KIAA1210: variants seen among roughly 807,000 people sequenced by gnomAD.
KIAA1210 encodes acrosomal protein KIAA1210.
Under a neutral mutation model 78.9 loss-of-function variants are expected in KIAA1210, and 48 were observed. The observed-to-expected ratio is 0.61, with a 90% CI of 0.48 to 0.77. KIAA1210 has a LOEUF of 0.77. Among genes scored for constraint, KIAA1210 ranks in the 30% least tolerant of loss-of-function variants. The pLI is 0.00. For synonymous variants in KIAA1210, 406 were observed against 404.5 expected, an observed-to-expected ratio of 1.00 and a Z score of -0.04; for missense variants, 1,108 against 1,100.0, an observed-to-expected ratio of 1.01 and a Z score of -0.10.
chrX:119,120,425 A>G (rs753474777), intron 2 of KIAA1210, among the ~76,000 whole-genome samples: 50 of 112,403 alleles, frequency 4.4e-4, no homozygotes, highest in Non-Finnish European at 8.4e-4. Context: ...CAGGGAGAAG[A>G]GAGTCAGCAG....
At chrX:119,107,419 T>G (rs1241471421) in intron 5 of KIAA1210, among the ~76,000 whole-genome samples, 1 of 112,334 alleles carries the variant, frequency 8.9e-6, no homozygotes, top group Non-Finnish European at 1.9e-5. Flanking sequence ...TGTTGCCACT[T>G]GGTCATGGTC....
intron 3 of KIAA1210, among the ~76,000 whole-genome samples, chrX:119,110,119 A>G (rs1203813042): frequency 8.9e-6 from 1 of 112,017 alleles, no homozygotes. Flanking sequence ...AAAATCCTCA[A>G]TAACACACTC....
At chrX:119,130,112 T>C (rs1011254211), upstream of KIAA1210, among the ~76,000 whole-genome samples, 1 of 111,978 alleles carries the variant, frequency 8.9e-6, no homozygotes, top group Non-Finnish European at 1.9e-5. Flanking sequence ...AATATAACCA[T>C]GAGCCTCCCC....
At chrX:119,091,205 T>C (rs1927357403) in intron 8 of KIAA1210, among the ~76,000 whole-genome samples, 1 of 112,266 alleles carries the variant, frequency 8.9e-6, no homozygotes. Flanking sequence ...AGAATGGCCA[T>C]TATTACAAAG....
At chrX:119,123,535 G>C (rs756139351) in intron 2 of KIAA1210, 47 bp downstream of exon 2, 1 of 978,984 alleles carries the variant, frequency 1.0e-6, no homozygotes, top group Non-Finnish European at 1.4e-6. Context: ...AATAAACACA[G>C]TAAACAAATC....
intron 11 of KIAA1210, among the ~76,000 whole-genome samples, chrX:119,082,090 T>C (rs1367928757): frequency 8.9e-6 from 1 of 111,870 alleles, no homozygotes; most frequent in African/African-American, 3.2e-5. Flanking sequence ...AATCAACCAG[T>C]GGTTCTCAAT....
chrX:119,127,507 A>G (rs1179722113), intron 1 of KIAA1210, among the ~76,000 whole-genome samples: 1 of 110,831 alleles, frequency 9.0e-6, no homozygotes, highest in African/African-American at 3.3e-5. Flanking sequence ...TATTTCCCTA[A>G]CCAAATCCTA....
intron 6 of KIAA1210, among the ~76,000 whole-genome samples, chrX:119,103,326 C>A (rs1927789880): frequency 8.9e-6 from 1 of 112,011 alleles, no homozygotes; most frequent in Non-Finnish European, 1.9e-5. Flanking sequence ...GGCTAACAAG[C>A]ACATGAAAAG....
At chrX:119,110,724 A>G (rs1928044590) in intron 3 of KIAA1210, among the ~76,000 whole-genome samples, 1 of 111,778 alleles carries the variant, frequency 8.9e-6, no homozygotes, top group South Asian at 3.7e-4. Context: ...AAAACTTAAA[A>G]GTCAATTTAA....
At chrX:119,098,604 CAAAAAAAAAA>C (rs747325732) in intron 6 of KIAA1210, among the ~76,000 whole-genome samples, 1 of 39,835 alleles carries the variant, frequency 2.5e-5, no homozygotes, top group Non-Finnish European at 5.0e-5. Flanking sequence ...GAGACTCCGT[CAAAAAAAAAA>C]AAAAAAAAAA....
chrX:119,132,112 A>C (rs1235420070), upstream of KIAA1210, among the ~76,000 whole-genome samples: 1 of 111,009 alleles, frequency 9.0e-6, no homozygotes, highest in Non-Finnish European at 1.9e-5. Flanking sequence ...AGCCTCAAAA[A>C]ACTGAATTCT....
upstream of KIAA1210, chrX:119,150,587 C>T: frequency 8.4e-7 from 1 of 1,196,274 alleles, no homozygotes; most frequent in Non-Finnish European, 1.1e-6. Flanking sequence ...CATTTCCCCG[C>T]GTAGAGTTGA....
At chrX:119,109,943 A>G (rs1468843618) in intron 3 of KIAA1210, among the ~76,000 whole-genome samples, 1 of 112,008 alleles carries the variant, frequency 8.9e-6, no homozygotes, top group Non-Finnish European at 1.9e-5. Flanking sequence ...GATGATAATT[A>G]CATGTTAAGA....
At chrX:119,138,263 G>A (rs1603272663) in intron 2 of KIAA1210, among the ~76,000 whole-genome samples, 2 of 83,294 alleles carry the variant, frequency 2.4e-5, no homozygotes, top group Admixed American at 3.3e-4. Flanking sequence ...CTGTCACCCA[G>A]GCTGGAGTGC....
chrX:119,096,516 T>C lies in KIAA1210; in HGVS notation c.824A>G (p.Gln275Arg). ...TACAATCACTTGAAGGTTCTTCTTTTGTTTGCGGGGATTTAAAGTCATTTT... is the reference window on the plus strand; with the variant it reads ...TACAATCACTTGAAGGTTCTTCTTTCGTTTGCGGGGATTTAAAGTCATTTT... Reference protein sequence around the residue: ...RHKMTLNPRKQKKNLQVIVEP... With the variant: ...RHKMTLNPRKRKKNLQVIVEP... Residue 275 changes from glutamine to arginine, a missense_variant, in exon 7 of 12, where the codon CAA (glutamine) becomes CGA (arginine). Gln to Arg is a conservative substitution (Grantham distance 43). Around this residue, in one of 5 missense-constraint regions of KIAA1210, gnomAD observed 672 missense variants for 607.1 expected, o/e 1.11. Coordinates refer to ENST00000691062, the MANE Select transcript of KIAA1210 (RefSeq NM_001394962.1). 1 of 1,209,996 alleles carries C rather than the reference T, an allele frequency of 8.3e-7. No individual in the cohort carries two copies. Among genetic ancestry groups the C allele is most frequent in the Non-Finnish European group, 1.1e-6 (1 of 894,475 alleles).
At chrX:119,113,866 A>G (rs1005032499) in intron 3 of KIAA1210, among the ~76,000 whole-genome samples, 128 of 111,709 alleles carry the variant, frequency 1.1e-3, no homozygotes, top group African/African-American at 3.9e-3. Flanking sequence ...GTGAAAACAT[A>G]CTAAGTGAAA....
intron 3 of KIAA1210, among the ~76,000 whole-genome samples, chrX:119,109,740 G>A (rs1026220333): frequency 5.0e-4 from 55 of 110,646 alleles, no homozygotes; most frequent in African/African-American, 1.6e-3. Context: ...TTTTTGTTTT[G>A]ATTTAAAAAA....
Position 119,081,315 on chromosome X carries a change from C to T in KIAA1210, c.*14G>A. 4.5e-6 allele frequency: 5 copies of T among 1,121,961 alleles called. No homozygotes were observed. The highest frequency in any genetic ancestry group is 5.9e-6 in the Non-Finnish European group (5 of 841,997). 92.5% of individuals were successfully genotyped at this position (1,121,961 alleles called of 1,213,427 possible). ...CTAAATAAAATAAATGCTGATGCTCCACACAAGAGCTCTTTATTGCGTGAT... is the reference window on the plus strand; with the variant it reads ...CTAAATAAAATAAATGCTGATGCTCTACACAAGAGCTCTTTATTGCGTGAT... On this transcript the variant is annotated 3_prime_UTR_variant, in exon 12 of 12. Transcript: ENST00000691062.
intron 2 of KIAA1210, among the ~76,000 whole-genome samples, chrX:119,142,692 T>G (rs939080150): frequency 9.7e-6 from 1 of 102,916 alleles, no homozygotes; most frequent in Admixed American, 1.1e-4. Context: ...GGAGAATCAC[T>G]TGAACCCAGG....
Sources: gnomAD v4.1 joint callset for allele counts (sites outside exome capture counted in the v4.1 genomes callset) on GRCh38, gnomAD v4.1.1 for gene constraint, gnomAD v4.1.1 regional missense constraint, MANE v1.5 for transcripts, NCBI Gene and HGNC (gene_info 2026-07-23, HGNC 2026-07-21) for gene names.